CREB5: variants seen among roughly 807,000 people sequenced by gnomAD.
CREB5 encodes the protein cAMP responsive element binding protein 5, also known as cyclic AMP-responsive element-binding protein 5.
CREB5 carries 19 observed loss-of-function variants against 57.1 expected under a neutral mutation model. The ratio of observed to expected loss-of-function variants is 0.33; its 90% CI spans 0.23 to 0.49. The LOEUF is 0.49. Among genes scored for constraint, CREB5 ranks in the 20% least tolerant of loss-of-function variants. The pLI, the probability that CREB5 is intolerant of heterozygous loss-of-function variation, is 0.99. For synonymous variants in CREB5, 238 were observed against 238.3 expected, an observed-to-expected ratio of 1.00 and a Z score of 0.01; for missense variants, 579 against 671.6, an observed-to-expected ratio of 0.86 and a Z score of 1.52.
intron 1 of CREB5, among the ~76,000 whole-genome samples, chr7:28,317,666 TG>T (rs1464384245): frequency 1.3e-5 from 2 of 152,082 alleles, no homozygotes; most frequent in African/African-American, 4.8e-5. Context: ...TCCTTCATTG[TG>T]TTGAGAGAAT....
At position 28,560,897 on chromosome 7, in the gene CREB5, CGTGCGCGCGT is replaced by C. The variant is rs1469860883; in HGVS notation, c.292-9466_292-9457del. 5.1e-3 allele frequency among the ~76,000 whole-genome samples: 115 copies of C among 22,492 alleles called. 7 individuals carry two copies. Among genetic ancestry groups the C allele is most frequent in the South Asian group, 0.017 (7 of 422 alleles). The allele number at this position is 22,492 out of a possible 152,430, so 14.8% of individuals were successfully genotyped here. A position where few individuals can be genotyped will look rare whatever the true frequency, so the allele number is the denominator to read the frequency against. ...GCGCGTGCGTGCGTGCGTGTGTGTG[CGTGCGCGCGT>C]GCGTGTGCGTGTGTGCGCGTGCGTG... is the stretch of plus-strand genomic sequence containing the variant. On this transcript the variant is annotated intron_variant, in intron 4 of 10. Transcript: ENST00000357727.
intron 1 of CREB5, among the ~76,000 whole-genome samples, chr7:28,466,672 T>C (rs898250748): frequency 6.6e-6 from 1 of 152,088 alleles, no homozygotes; most frequent in African/African-American, 2.4e-5. Context: ...GTCTGACTTT[T>C]CTCGGTTCAA....
At chr7:28,361,230 G>A (rs916857505) in intron 1 of CREB5, among the ~76,000 whole-genome samples, 2 of 152,170 alleles carry the variant, frequency 1.3e-5, no homozygotes, top group African/African-American at 4.8e-5. Flanking sequence ...CATATGTTGC[G>A]TTCATAGCCT....
intron 1 of CREB5, among the ~76,000 whole-genome samples, chr7:28,446,441 G>GTC (rs1562721856): frequency 6.6e-6 from 1 of 152,180 alleles, no homozygotes. Context: ...GGTGGTTTCT[G>GTC]TCCTGGCTCT....
At chr7:28,597,172 AG>A (rs1240742246) in intron 5 of CREB5, among the ~76,000 whole-genome samples, 1 of 152,232 alleles carries the variant, frequency 6.6e-6, no homozygotes, top group African/African-American at 2.4e-5. Flanking sequence ...TACAAAATGC[AG>A]GTTGACAGAA....
intron 1 of CREB5, among the ~76,000 whole-genome samples, chr7:28,341,698 A>T (rs1262061042): frequency 1.3e-5 from 2 of 152,354 alleles, no homozygotes; most frequent in East Asian, 3.9e-4. Context: ...ATTGTTTTAC[A>T]TTGAATTGTC....
chr7:28,641,938 G>A (rs1435393049), intron 5 of CREB5, among the ~76,000 whole-genome samples: 1 of 152,202 alleles, frequency 6.6e-6, no homozygotes, highest in African/African-American at 2.4e-5. Context: ...GTGTGCACGT[G>A]TGTGTATGTG....
chr7:28,519,697 G>A (rs903014918), intron 4 of CREB5, among the ~76,000 whole-genome samples: 9 of 152,314 alleles, frequency 5.9e-5, no homozygotes, highest in South Asian at 2.1e-4. Context: ...AATTGAATGC[G>A]ACAGTCATAG....
intron 4 of CREB5, among the ~76,000 whole-genome samples, chr7:28,519,278 A>G (rs1264465250): frequency 6.6e-6 from 1 of 152,172 alleles, no homozygotes; most frequent in African/African-American, 2.4e-5. Context: ...AGGCACATGT[A>G]TTACAACATA....
chr7:28,584,769 G>A (rs559954294), intron 5 of CREB5, among the ~76,000 whole-genome samples: 6 of 145,996 alleles, frequency 4.1e-5, no homozygotes, highest in East Asian at 2.1e-4. Flanking sequence ...CTTTGCCAAC[G>A]GAATCGTGGT....
intron 1 of CREB5, among the ~76,000 whole-genome samples, chr7:28,315,165 T>A (rs1014372548): frequency 1.3e-5 from 2 of 152,190 alleles, no homozygotes; most frequent in Non-Finnish European, 2.9e-5. Flanking sequence ...TTCCTGATGA[T>A]TCTTGCCAAG....
intron 1 of CREB5, among the ~76,000 whole-genome samples, chr7:28,331,660 G>A (rs1443687830): frequency 6.6e-6 from 1 of 151,958 alleles, no homozygotes; most frequent in Non-Finnish European, 1.5e-5. Flanking sequence ...GACCAGCCTG[G>A]CCAACATAGT....
intron 1 of CREB5, among the ~76,000 whole-genome samples, chr7:28,320,679 G>A (rs923660403): frequency 2.0e-5 from 3 of 152,334 alleles, no homozygotes; most frequent in South Asian, 2.1e-4. Context: ...TAGGCTTGCC[G>A]ACACTTGTCT....
chr7:28,389,907 G>T (rs1472035140), intron 1 of CREB5, among the ~76,000 whole-genome samples: 1 of 152,028 alleles, frequency 6.6e-6, no homozygotes, highest in Non-Finnish European at 1.5e-5. Context: ...CACACTGTAT[G>T]CCCTGTTGTG....
At chr7:28,488,510 A>G (rs568596841) in intron 2 of CREB5, among the ~76,000 whole-genome samples, 11 of 152,338 alleles carry the variant, frequency 7.2e-5, no homozygotes, top group African/African-American at 2.4e-4. Flanking sequence ...TCCTGGAAGC[A>G]AGCCAGGTGT....
intron 1 of CREB5, among the ~76,000 whole-genome samples, chr7:28,380,609 G>A (rs1370937458): frequency 6.6e-6 from 1 of 152,192 alleles, no homozygotes; most frequent in African/African-American, 2.4e-5. Context: ...TCCGAGGGGT[G>A]GGTTGTGGGG....
At chr7:28,731,911 C>T (rs745731191) in intron 7 of CREB5, among the ~76,000 whole-genome samples, 2 of 152,116 alleles carry the variant, frequency 1.3e-5, no homozygotes, top group Non-Finnish European at 2.9e-5. Flanking sequence ...AGCCAGCGTA[C>T]GAATACATGC....
intron 1 of CREB5, among the ~76,000 whole-genome samples, chr7:28,390,044 G>GT (rs35529627): frequency 0.35 from 49,795 of 142,816 alleles, 8,459 homozygotes; most frequent in Admixed American, 0.38. Context: ...AAGTAGGAGG[G>GT]TTTTTTTTTT....
intron 1 of CREB5, among the ~76,000 whole-genome samples, chr7:28,454,417 G>A (rs896921950): frequency 1.3e-5 from 2 of 152,178 alleles, no homozygotes; most frequent in African/African-American, 4.8e-5. Flanking sequence ...GCACCTGTGA[G>A]GATAGTGAGG....
Sources: allele counts gnomAD v4.1 joint callset (sites outside exome capture counted in the v4.1 genomes callset), GRCh38; gene constraint gnomAD v4.1.1; transcripts MANE v1.5; gene names NCBI Gene and HGNC (gene_info 2026-07-23, HGNC 2026-07-21).